GATAD2A: variants seen among roughly 807,000 people sequenced by gnomAD.
The protein encoded by GATAD2A is transcriptional repressor p66-alpha.
GATAD2A carries 12 observed loss-of-function variants against 68.5 expected under a neutral mutation model. The observed-to-expected ratio is 0.18, with a 90% CI of 0.11 to 0.28. The LOEUF (loss-of-function observed/expected upper bound fraction) is 0.28. Among genes scored for constraint, GATAD2A ranks in the 10% least tolerant of loss-of-function variants. The probability of loss-of-function intolerance (pLI) is 1.00; values close to 1 mark genes in which losing one functional copy is unlikely to be tolerated. For synonymous variants in GATAD2A, 410 were observed against 375.3 expected (o/e 1.09, Z -1.07); for missense variants, 755 against 868.5 (o/e 0.87, Z 1.64).
chr19:19,436,226 G>A, intron 1 of GATAD2A: 3 of 1,346,832 alleles, frequency 2.2e-6, no homozygotes, highest in Non-Finnish European at 3.0e-6. Context: ...CCAGGTGAGT[G>A]CTTGGGGTGT....
chr19:19,479,361 T>C (rs1048229780), intron 2 of GATAD2A, among the ~76,000 whole-genome samples: 8 of 152,232 alleles, frequency 5.3e-5, no homozygotes, highest in African/African-American at 1.7e-4. Context: ...CTACAGAACA[T>C]GTGTCACAAG....
In GATAD2A at chr19:19,405,840, C is replaced by CGCGG. The variant is rs1193699707; in HGVS notation, c.-173_-170dup. ...GAGGGGCGCATTATCTGGCCGGCGG[C>CGCGG]GCGGGCGGGCGGGCGGACCGGCGCA... On this transcript the variant is annotated 5_prime_UTR_variant, in exon 1 of 12. It removes the in-frame stop codon of an upstream open reading frame in the 5' UTR. Coordinates refer to ENST00000683918, the MANE Select transcript of GATAD2A (RefSeq NM_001384528.1). 23 of 147,458 alleles carry CGCGG rather than the reference C, an allele frequency of 1.6e-4. No homozygotes were observed. Among genetic ancestry groups the CGCGG allele is most frequent in the African/African-American group, 3.4e-4 (14 of 41,018 alleles). The allele number at this position is 147,458 out of a possible 1,614,324, so 9.1% of individuals were successfully genotyped here. A position where few individuals can be genotyped will look rare whatever the true frequency, so the allele number is the denominator to read the frequency against.
intron 2 of GATAD2A, among the ~76,000 whole-genome samples, chr19:19,489,225 A>G (rs1181865083): frequency 6.6e-5 from 10 of 152,252 alleles, no homozygotes. Flanking sequence ...GTGCAGCAAC[A>G]GTCCCCTGTG....
chr19:19,426,857 G>A (rs1367365591), intron 1 of GATAD2A, among the ~76,000 whole-genome samples: 1 of 152,220 alleles, frequency 6.6e-6, no homozygotes, highest in Non-Finnish European at 1.5e-5. Flanking sequence ...GCGGAGGGAA[G>A]GACTAGTTGG....
At chr19:19,456,389 G>A (rs1360445212) in intron 1 of GATAD2A, among the ~76,000 whole-genome samples, 2 of 152,054 alleles carry the variant, frequency 1.3e-5, no homozygotes, top group Non-Finnish European at 2.9e-5. Flanking sequence ...CCATGCTCAC[G>A]GCAAGCAGTA....
intron 1 of GATAD2A, chr19:19,458,541 G>A (rs1250274722): frequency 6.6e-6 from 1 of 152,212 alleles, no homozygotes; most frequent in East Asian, 1.9e-4. Context: ...CTGCCATTGA[G>A]AGCTTAACAT....
chr19:19,439,618 C>T (rs1459955454), intron 1 of GATAD2A, among the ~76,000 whole-genome samples: 4 of 152,076 alleles, frequency 2.6e-5, no homozygotes, highest in Non-Finnish European at 4.4e-5. Flanking sequence ...GAGGCTGAAG[C>T]GGGTGGGTCA....
At chr19:19,407,760 C>T (rs1031557968) in intron 1 of GATAD2A, among the ~76,000 whole-genome samples, 3 of 152,222 alleles carry the variant, frequency 2.0e-5, no homozygotes, top group South Asian at 4.1e-4. Flanking sequence ...TTAGTTGCTA[C>T]TTTGCATTCG....
intron 2 of GATAD2A, among the ~76,000 whole-genome samples, chr19:19,489,475 A>G (rs2059644535): frequency 6.6e-6 from 1 of 152,234 alleles, no homozygotes; most frequent in African/African-American, 2.4e-5. Context: ...ATTAGCATAC[A>G]GGAAGTTCAC....
intron 1 of GATAD2A, among the ~76,000 whole-genome samples, chr19:19,386,936 G>T (rs1205952158): frequency 6.6e-6 from 1 of 151,546 alleles, no homozygotes; most frequent in Non-Finnish European, 1.5e-5. Context: ...AGGGACCCCT[G>T]CCTCCCTAGA....
Position 19,416,122 on chromosome 19 carries a change from G to A in GATAD2A, c.-7+10103G>A, listed in dbSNP as rs2051607778. Among the ~76,000 whole-genome samples the A allele has an allele frequency of 2.0e-5, 3 of 152,062 alleles. No homozygotes were observed. The South Asian group carries it at 6.2e-4, about 31-fold the overall frequency. On this transcript the variant is annotated intron_variant, in intron 1 of 11. Transcript: ENST00000683918. ...TACAGGTCCCCATCTATTATAAGAT[G>A]TAATTGCACTTAATTTGTAGACATC... is the stretch of plus-strand genomic sequence containing the variant.
At chr19:19,386,333 C>G (rs1219427927) in intron 1 of GATAD2A, among the ~76,000 whole-genome samples, 1 of 151,620 alleles carries the variant, frequency 6.6e-6, no homozygotes, top group Admixed American at 6.6e-5. Flanking sequence ...CCCCGTCTCT[C>G]TTAGGGACCC....
intron 7 of GATAD2A, among the ~76,000 whole-genome samples, 180 bp downstream of exon 7, chr19:19,496,399 G>A (rs2060151739): frequency 6.6e-6 from 1 of 152,210 alleles, no homozygotes; most frequent in African/African-American, 2.4e-5. Flanking sequence ...GGGCTGTCTG[G>A]GTCGTGGGCA....
chr19:19,447,348 T>C (rs1028113745), intron 1 of GATAD2A, among the ~76,000 whole-genome samples: 1 of 152,150 alleles, frequency 6.6e-6, no homozygotes, highest in Non-Finnish European at 1.5e-5. Context: ...TGGATTATGG[T>C]CAGGCCAGCA....
At chr19:19,452,228 G>C (rs2056463780) in intron 1 of GATAD2A, among the ~76,000 whole-genome samples, 1 of 152,098 alleles carries the variant, frequency 6.6e-6, no homozygotes, top group South Asian at 2.1e-4. Flanking sequence ...TTACTTCATG[G>C]GCGCCATGTG....
rs563533852 is a variant in GATAD2A, at chr19:19,409,946, A to G, written c.-7+3927A>G. On this transcript the variant is annotated intron_variant, in intron 1 of 11. Coordinates refer to ENST00000683918, the MANE Select transcript of GATAD2A (RefSeq NM_001384528.1). ...GGTTAGTCTTTTAGAAGACAAAGGA[A>G]TTTACCCTAATAGAATACCTTTAGG... 5.9e-5 allele frequency among the ~76,000 whole-genome samples: 9 copies of G among 152,318 alleles called. No individual in the cohort carries two copies. The South Asian group carries it at 1.7e-3, about 28-fold the overall frequency.
At chr19:19,429,194 C>T (rs923752753) in intron 1 of GATAD2A, 3 of 985,124 alleles carry the variant, frequency 3.0e-6, no homozygotes, top group Non-Finnish European at 3.6e-6. Flanking sequence ...GTGGGATGCT[C>T]GATTTCAAGT....
chr19:19,502,256 A>G, intron 10 of GATAD2A, 75 bp from the exon 11 acceptor site: 1 of 1,204,716 alleles, frequency 8.3e-7, no homozygotes, highest in Non-Finnish European at 1.2e-6. Context: ...CAGAGCAAGG[A>G]GAGGCTGCGC....
At chr19:19,402,458 G>C (rs1439103115), upstream of GATAD2A, 1 of 150,848 alleles carries the variant, frequency 6.6e-6, no homozygotes, top group East Asian at 2.0e-4. Flanking sequence ...GGAGGCCGAG[G>C]CAGGTGGATC....
Sources: allele counts gnomAD v4.1 joint callset (sites outside exome capture counted in the v4.1 genomes callset), GRCh38; gene constraint gnomAD v4.1.1; transcripts MANE v1.5; gene names NCBI Gene and HGNC (gene_info 2026-07-23, HGNC 2026-07-21).